DCLK1: variants seen among roughly 807,000 people sequenced by gnomAD.
The protein encoded by DCLK1 is serine/threonine-protein kinase DCLK1.
A neutral mutation model predicts 86.2 loss-of-function variants in DCLK1; 16 were observed. That is an observed-to-expected ratio of 0.19 (90% CI 0.13 to 0.28). The LOEUF is 0.28. Among genes scored for constraint, DCLK1 ranks in the 10% least tolerant of loss-of-function variants. The pLI, the probability that DCLK1 is intolerant of heterozygous loss-of-function variation, is 1.00. For synonymous variants in DCLK1, 369 were observed against 370.5 expected, an observed-to-expected ratio of 1.00 and a Z score of 0.05; for missense variants, 590 against 940.2, an observed-to-expected ratio of 0.63 and a Z score of 4.87.
intron 3 of DCLK1, among the ~76,000 whole-genome samples, chr13:35,975,894 T>C (rs1460230252): frequency 6.6e-6 from 1 of 152,132 alleles, no homozygotes; most frequent in African/African-American, 2.4e-5. Flanking sequence ...ATTTGAAAAC[T>C]TCCACAATGC....
chr13:36,078,782 G>A (rs1884308047), intron 3 of DCLK1, among the ~76,000 whole-genome samples: 1 of 152,104 alleles, frequency 6.6e-6, no homozygotes, highest in African/African-American at 2.4e-5. Flanking sequence ...AACATTAAAA[G>A]GTTGTCACTT....
rs567193418 is a variant in DCLK1 at position 35,874,854 on chromosome 13, G to C, written c.824-3514C>G. Among the ~76,000 whole-genome samples, 41 of 152,314 alleles carry C rather than the reference G, an allele frequency of 2.7e-4. No homozygotes were observed. The East Asian group carries it at 7.7e-3, about 29-fold the overall frequency. Reference sequence around the variant, plus strand: ...GACCATGCAACTGACAACACATCCTGGAGTTTGTCCTAGCTTTGGCCTCTG... The same window carrying C: ...GACCATGCAACTGACAACACATCCTCGAGTTTGTCCTAGCTTTGGCCTCTG... On this transcript the variant is annotated intron_variant, in intron 4 of 16. Coordinates refer to ENST00000360631, the MANE Select transcript of DCLK1 (RefSeq NM_001330071.2).
intron 2 of DCLK1, among the ~76,000 whole-genome samples, chr13:36,121,070 C>A (rs1224218226): frequency 6.6e-6 from 1 of 152,148 alleles, no homozygotes; most frequent in Admixed American, 6.5e-5. Context: ...GGATAGTCAT[C>A]ACACAACTGT....
intron 5 of DCLK1, among the ~76,000 whole-genome samples, chr13:35,865,866 T>A (rs557944930): frequency 1.3e-5 from 2 of 152,240 alleles, no homozygotes; most frequent in South Asian, 4.1e-4. Flanking sequence ...ATCAGGAAGT[T>A]GGGGTAAATC....
chr13:36,011,680 G>C (rs1251692094), intron 3 of DCLK1, among the ~76,000 whole-genome samples: 12 of 152,020 alleles, frequency 7.9e-5, no homozygotes, highest in Admixed American at 4.6e-4. Flanking sequence ...GTATGGTGTG[G>C]TGCTGAAAAA....
intron 3 of DCLK1, among the ~76,000 whole-genome samples, chr13:35,974,394 G>A (rs574833388): frequency 2.0e-5 from 3 of 152,208 alleles, no homozygotes; most frequent in Non-Finnish European, 4.4e-5. Flanking sequence ...GACACAAGGG[G>A]AGGGTGTCCC....
At chr13:35,904,497 G>T (rs9601603) in intron 4 of DCLK1, among the ~76,000 whole-genome samples, 6,625 of 152,224 alleles carry the variant, frequency 0.044, 500 homozygotes, top group African/African-American at 0.15. Flanking sequence ...TGGCCTAATA[G>T]AAAAATCTTC....
At chr13:35,873,376 C>G (rs1343633781) in intron 4 of DCLK1, among the ~76,000 whole-genome samples, 1 of 152,048 alleles carries the variant, frequency 6.6e-6, no homozygotes, top group East Asian at 1.9e-4. Flanking sequence ...GAAAGTCCAA[C>G]AAATTGTACT....
chr13:36,031,558 A>T (rs552170500), intron 3 of DCLK1, among the ~76,000 whole-genome samples: 2 of 152,146 alleles, frequency 1.3e-5, no homozygotes, highest in African/African-American at 4.8e-5. Flanking sequence ...GCCTTAAATT[A>T]TTTCCTGGTA....
chr13:35,849,570 A>C (rs1870457167), intron 6 of DCLK1: 1 of 978,468 alleles, frequency 1.0e-6, no homozygotes, highest in South Asian at 4.7e-5. Context: ...TTCAGACTTT[A>C]AAATCATTAT....
intron 3 of DCLK1, among the ~76,000 whole-genome samples, chr13:36,074,251 C>T (rs1593866766): frequency 6.6e-6 from 1 of 151,720 alleles, no homozygotes; most frequent in South Asian, 2.1e-4. Context: ...GCCTGTAATC[C>T]CAGCACTTTG....
intron 3 of DCLK1, among the ~76,000 whole-genome samples, chr13:35,975,881 G>A (rs898040805): frequency 6.6e-6 from 1 of 152,132 alleles, no homozygotes; most frequent in Non-Finnish European, 1.5e-5. Flanking sequence ...CCATCTACTC[G>A]TGATTTGAAA....
chr13:35,981,014 A>T (rs552438661), intron 3 of DCLK1, among the ~76,000 whole-genome samples: 1 of 152,250 alleles, frequency 6.6e-6, no homozygotes, highest in Non-Finnish European at 1.5e-5. Flanking sequence ...GGGGAAAAAA[A>T]TCCCATTCCA....
At chr13:35,913,737 T>C (rs1378275228) in intron 4 of DCLK1, among the ~76,000 whole-genome samples, 1 of 152,186 alleles carries the variant, frequency 6.6e-6, no homozygotes, top group African/African-American at 2.4e-5. Flanking sequence ...AAAAGTCTGA[T>C]ACTGGGTGTG....
In DCLK1 at chr13:35,851,995, A is replaced by G. The variant is rs200219531; in HGVS notation, c.1035+2504T>C. On this transcript the variant is annotated intron_variant, in intron 6 of 16. Transcript: ENST00000360631. ...GGCGCGCGTGTGTGCATGTGTGTGT[A>G]TGTGTGTGTGTGTGTGTGTGTGTGT... Among the ~76,000 whole-genome samples, 91 of 143,626 alleles carry G rather than the reference A, an allele frequency of 6.3e-4. 1 individual carries two copies. In the East Asian group the frequency reaches 0.013, roughly 20 times the overall value. The allele number at this position is 143,626 out of a possible 152,430, so 94.2% of individuals were successfully genotyped here.
intron 4 of DCLK1, among the ~76,000 whole-genome samples, chr13:35,901,227 C>G (rs1328028469): frequency 6.6e-6 from 1 of 152,072 alleles, no homozygotes; most frequent in South Asian, 2.1e-4. Flanking sequence ...TGGCTTACGC[C>G]TGTAATCCCA....
At chr13:35,950,218 A>C (rs1877592228) in intron 3 of DCLK1, among the ~76,000 whole-genome samples, 2 of 152,222 alleles carry the variant, frequency 1.3e-5, no homozygotes, top group Admixed American at 6.5e-5. Flanking sequence ...AAGGAGACTT[A>C]AACACAAGGT....
At chr13:36,053,002 C>T (rs2153157526) in intron 3 of DCLK1, among the ~76,000 whole-genome samples, 2 of 152,264 alleles carry the variant, frequency 1.3e-5, no homozygotes, top group Non-Finnish European at 2.9e-5. Flanking sequence ...TGGGAAGTTC[C>T]ATTTGTTTTC....
intron 6 of DCLK1, chr13:35,849,556 A>G (rs1870455633): frequency 1.0e-6 from 1 of 979,226 alleles, no homozygotes; most frequent in Non-Finnish European, 1.2e-6. Flanking sequence ...ATTAATTTTT[A>G]ACATTCAGAC....
Sources: allele counts gnomAD v4.1 joint callset (sites outside exome capture counted in the v4.1 genomes callset), GRCh38; gene constraint gnomAD v4.1.1; transcripts MANE v1.5; gene names NCBI Gene and HGNC (gene_info 2026-07-23, HGNC 2026-07-21).